ZRANB3: variants seen among roughly 807,000 people sequenced by gnomAD.
ZRANB3 encodes zinc finger RANBP2-type containing 3, also known as DNA annealing helicase and endonuclease ZRANB3.
A neutral mutation model predicts 133.8 loss-of-function variants in ZRANB3; 125 were observed. The ratio of observed to expected loss-of-function variants is 0.93; its 90% CI spans 0.81 to 1.08. The LOEUF (loss-of-function observed/expected upper bound fraction) is 1.08. Among genes scored for constraint, ZRANB3 ranks in the 50% least tolerant of loss-of-function variants. The pLI is 0.00. For synonymous variants in ZRANB3, 387 were observed against 432.7 expected (o/e 0.89, Z 1.31); for missense variants, 1,229 against 1,275.5 (o/e 0.96, Z 0.56).
At position 135,345,530 on chromosome 2, in the gene ZRANB3, C is replaced by A. The variant is rs773639920; in HGVS notation, c.677+20G>T. 3.8e-6 allele frequency: 6 copies of A among 1,561,970 alleles called. No individual in the cohort carries two copies. Among genetic ancestry groups the A allele is most frequent in the Non-Finnish European group, 4.4e-6 (5 of 1,147,574 alleles). ...AGTAAACATGTGAGGAAAAAATTTA[C>A]GGAAAATAGTTTAACTTACCTGATG... On this transcript the variant is annotated intron_variant, in intron 6 of 20. Transcript: ENST00000264159.
At chr2:135,416,640 C>T (rs1688586617) in intron 2 of ZRANB3, among the ~76,000 whole-genome samples, 2 of 149,842 alleles carry the variant, frequency 1.3e-5, no homozygotes, top group African/African-American at 4.9e-5. Context: ...AAAAAGAGCC[C>T]GCATCGCCAA....
At chr2:135,252,006 G>A (rs1443849906) in intron 12 of ZRANB3, among the ~76,000 whole-genome samples, 2 of 152,210 alleles carry the variant, frequency 1.3e-5, no homozygotes, top group Non-Finnish European at 1.5e-5. Context: ...CTGCACTCCA[G>A]CCTGGCGACA....
chr2:135,353,770 G>A, intron 3 of ZRANB3, 142 bp from the exon 4 acceptor site: 1 of 474,694 alleles, frequency 2.1e-6, no homozygotes, highest in East Asian at 4.5e-5. Flanking sequence ...GGAGGCTGAT[G>A]CAGGTGGATC....
intron 2 of ZRANB3, among the ~76,000 whole-genome samples, chr2:135,433,458 C>T (rs1689402584): frequency 1.3e-5 from 2 of 152,160 alleles, no homozygotes; most frequent in African/African-American, 4.8e-5. Flanking sequence ...AAATAGGACA[C>T]ATAGACTTAC....
intron 12 of ZRANB3, among the ~76,000 whole-genome samples, chr2:135,242,600 T>C (rs1009736619): frequency 2.0e-5 from 3 of 152,168 alleles, no homozygotes; most frequent in African/African-American, 7.2e-5. Context: ...CGGTAGGTAC[T>C]TTCAATCAGA....
intron 10 of ZRANB3, 21 bp downstream of exon 10, chr2:135,271,747 T>A: frequency 1.3e-6 from 2 of 1,598,942 alleles, no homozygotes; most frequent in Non-Finnish European, 1.7e-6. Flanking sequence ...CATAACCAAA[T>A]TTAGACTTGA....
chr2:135,464,926 T>G (rs1269547719), intron 2 of ZRANB3, among the ~76,000 whole-genome samples: 1 of 152,158 alleles, frequency 6.6e-6, no homozygotes, highest in African/African-American at 2.4e-5. Flanking sequence ...AGTTAGAAGC[T>G]TTGTTAGTCT....
At chr2:135,373,699 A>C (rs1358699761) in intron 3 of ZRANB3, among the ~76,000 whole-genome samples, 1 of 151,358 alleles carries the variant, frequency 6.6e-6, no homozygotes, top group Non-Finnish European at 1.5e-5. Context: ...GAGGCATAAG[A>C]ATCGCTTGAA....
chr2:135,375,348 T>G (rs1213348995), intron 3 of ZRANB3, among the ~76,000 whole-genome samples: 1 of 151,698 alleles, frequency 6.6e-6, no homozygotes, highest in Non-Finnish European at 1.5e-5. Context: ...AGGTCGGGAG[T>G]TCGAGACCAG....
At chr2:135,303,143 T>C (rs1682518656) in intron 8 of ZRANB3, among the ~76,000 whole-genome samples, 2 of 152,168 alleles carry the variant, frequency 1.3e-5, no homozygotes, top group African/African-American at 4.8e-5. Flanking sequence ...AAATATTTTC[T>C]TCCAATCTAT....
chr2:135,345,649 A>T lies in ZRANB3; in HGVS notation c.592-14T>A. ...CTGCATAAAAAGCTATAATAATACA[A>T]GTGTTTGTAGTATGTTGTAATATTT... is the stretch of plus-strand genomic sequence containing the variant. On this transcript the variant is annotated splice_polypyrimidine_tract_variant and intron_variant, in intron 5 of 20. Transcript: ENST00000264159. 1.3e-6 allele frequency: 2 copies of T among 1,527,842 alleles called. No individual in the cohort carries two copies. The highest frequency in any genetic ancestry group is 9.0e-7 in the Non-Finnish European group (1 of 1,110,686). 94.6% of individuals were successfully genotyped at this position (1,527,842 alleles called of 1,614,324 possible).
intron 1 of ZRANB3, among the ~76,000 whole-genome samples, chr2:135,529,979 G>A (rs1212908435): frequency 6.6e-6 from 1 of 151,464 alleles, no homozygotes; most frequent in Non-Finnish European, 1.5e-5. Flanking sequence ...TGTAATCCCA[G>A]CACTTTGGGA....
At chr2:135,227,034 T>C (rs1356784512) in intron 14 of ZRANB3, among the ~76,000 whole-genome samples, 1 of 152,214 alleles carries the variant, frequency 6.6e-6, no homozygotes, top group Non-Finnish European at 1.5e-5. Context: ...AGACTCTAAA[T>C]TATATTAGTG....
chr2:135,473,914 G>C (rs1691389434), intron 2 of ZRANB3, among the ~76,000 whole-genome samples: 1 of 152,148 alleles, frequency 6.6e-6, no homozygotes, highest in Non-Finnish European at 1.5e-5. Context: ...GACACACACA[G>C]AGGCTCATGC....
rs369602423 is a variant in ZRANB3 at position 135,219,156 on chromosome 2, T to C, written c.2273A>G (p.Asn758Ser). 6.1e-5 allele frequency: 93 copies of C among 1,531,782 alleles called. No individual in the cohort carries two copies. The African/African-American group carries it at 1.2e-3, about 19-fold the overall frequency. 94.9% of individuals were successfully genotyped at this position (1,531,782 alleles called of 1,614,324 possible). ...TAATTTTATATCCAGAGGAATGAAA[T>C]TACAGCTCATCTGTTTTCCATCCTG... ...YTKDGKQMSC[N>S]FIPLDIKLDL... Residue 758 changes from asparagine (N) to serine (S), a missense_variant, in exon 16 of 21, where the codon AAT becomes AGT. Asn to Ser is a conservative substitution (Grantham distance 46, BLOSUM62 1). Coordinates refer to ENST00000264159, the MANE Select transcript of ZRANB3 (RefSeq NM_032143.4).
chr2:135,294,250 T>TCC (rs1553468155), intron 8 of ZRANB3, among the ~76,000 whole-genome samples: 3 of 152,218 alleles, frequency 2.0e-5, no homozygotes, highest in Non-Finnish European at 2.9e-5. Context: ...TGGTAAGCTA[T>TCC]TAATTATTGC....
chr2:135,524,220 T>C (rs1694059099), intron 1 of ZRANB3, among the ~76,000 whole-genome samples: 1 of 152,118 alleles, frequency 6.6e-6, no homozygotes, highest in Non-Finnish European at 1.5e-5. Context: ...TAGCTGGAAC[T>C]ACAGGCATGC....
chr2:135,253,884 T>G (rs1385574731), intron 12 of ZRANB3, among the ~76,000 whole-genome samples: 2 of 152,220 alleles, frequency 1.3e-5, no homozygotes, highest in Non-Finnish European at 2.9e-5. Context: ...ACCCTTCCAT[T>G]TGTTTTTCAC....
intron 2 of ZRANB3, among the ~76,000 whole-genome samples, chr2:135,433,832 T>C (rs1689417345): frequency 7.5e-6 from 1 of 132,822 alleles, no homozygotes; most frequent in Non-Finnish European, 1.5e-5. Context: ...CTGTCTCTAC[T>C]AAAATAAAAA....
Sources: gnomAD v4.1 joint callset for allele counts (sites outside exome capture counted in the v4.1 genomes callset) on GRCh38, gnomAD v4.1.1 for gene constraint, MANE v1.5 for transcripts, NCBI Gene and HGNC (gene_info 2026-07-23, HGNC 2026-07-21) for gene names.